SPOCK1: variants seen among roughly 807,000 people sequenced by gnomAD.
The protein encoded by SPOCK1 is SPARC (osteonectin), cwcv and kazal like domains proteoglycan 1.
Under a neutral mutation model 55.3 loss-of-function variants are expected in SPOCK1, and 23 were observed. The ratio of observed to expected loss-of-function variants is 0.42; its 90% CI spans 0.30 to 0.59. The LOEUF is 0.59. SPOCK1 is among the 20% of genes least tolerant of loss of function. The pLI is 0.22. For missense variants in SPOCK1, 499 were observed against 552.5 expected (o/e 0.90, Z 0.97); for synonymous variants, 226 against 221.0 (o/e 1.02, Z -0.20).
chr5:137,215,490 G>A (rs565911946), intron 3 of SPOCK1, among the ~76,000 whole-genome samples: 1 of 152,270 alleles, frequency 6.6e-6, no homozygotes, highest in South Asian at 2.1e-4. Flanking sequence ...TAGAACAGTT[G>A]TGATGACAGT....
At chr5:137,275,411 G>T (rs1219032709) in intron 2 of SPOCK1, among the ~76,000 whole-genome samples, 1 of 152,208 alleles carries the variant, frequency 6.6e-6, no homozygotes, top group African/African-American at 2.4e-5. Flanking sequence ...CAAACACAGG[G>T]ATTGGCAGAA....
At chr5:137,320,145 G>A (rs907311971) in intron 2 of SPOCK1, among the ~76,000 whole-genome samples, 5 of 152,188 alleles carry the variant, frequency 3.3e-5, no homozygotes, top group African/African-American at 9.7e-5. Flanking sequence ...TGATCAAAAA[G>A]AAGAGTCCAA....
chr5:137,130,251 T>C (rs1753848918), intron 4 of SPOCK1, among the ~76,000 whole-genome samples: 1 of 152,236 alleles, frequency 6.6e-6, no homozygotes, highest in South Asian at 2.1e-4. Context: ...TACCACAGTT[T>C]ATTAGATACT....
intron 3 of SPOCK1, among the ~76,000 whole-genome samples, chr5:137,252,451 T>C (rs1756552615): frequency 6.6e-6 from 1 of 152,150 alleles, no homozygotes; most frequent in African/African-American, 2.4e-5. Context: ...TATGCAAAAG[T>C]TCCTAGAATA....
chr5:137,203,784 A>G (rs749878366), intron 3 of SPOCK1, among the ~76,000 whole-genome samples: 12 of 152,210 alleles, frequency 7.9e-5, no homozygotes, highest in Non-Finnish European at 1.6e-4. Flanking sequence ...CTAACGTTGC[A>G]CATGTAAACA....
chr5:137,070,562 G>A (rs1329123896), intron 5 of SPOCK1, among the ~76,000 whole-genome samples: 4 of 152,114 alleles, frequency 2.6e-5, no homozygotes, highest in African/African-American at 9.7e-5. Flanking sequence ...CCAGTCCCTG[G>A]GTGCTTACCA....
chr5:137,284,535 G>A (rs2905560), intron 2 of SPOCK1, among the ~76,000 whole-genome samples: 72,135 of 152,066 alleles, frequency 0.47, 17,328 homozygotes, highest in Admixed American at 0.49. Context: ...GGAAGGAAGC[G>A]GACGGAAGGA....
chr5:137,262,912 T>C (rs1364549361), intron 3 of SPOCK1, among the ~76,000 whole-genome samples: 2 of 152,256 alleles, frequency 1.3e-5, no homozygotes, highest in South Asian at 2.1e-4. Flanking sequence ...AAGCACTTCC[T>C]ATATGCCAGG....
chr5:137,387,763 G>C (rs1189197689), intron 2 of SPOCK1, among the ~76,000 whole-genome samples: 3 of 152,194 alleles, frequency 2.0e-5, no homozygotes, highest in African/African-American at 7.2e-5. Flanking sequence ...GACTTGCAGG[G>C]ATGTTGATAA....
intron 2 of SPOCK1, among the ~76,000 whole-genome samples, chr5:137,333,033 A>C (rs745363521): frequency 6.6e-6 from 1 of 152,232 alleles, no homozygotes; most frequent in Non-Finnish European, 1.5e-5. Flanking sequence ...CACTTCCATC[A>C]GTATCACCTG....
intron 2 of SPOCK1, among the ~76,000 whole-genome samples, chr5:137,386,016 A>T (rs1751593206): frequency 6.6e-6 from 1 of 152,228 alleles, no homozygotes; most frequent in South Asian, 2.1e-4. Context: ...GGTGGCTAAT[A>T]AGCAATTACA....
At chr5:137,334,765 C>T (rs1008594052) in intron 2 of SPOCK1, among the ~76,000 whole-genome samples, 3 of 152,120 alleles carry the variant, frequency 2.0e-5, no homozygotes, top group African/African-American at 4.8e-5. Flanking sequence ...CCCTCTTGCC[C>T]GAGGAGAAAC....
chr5:137,192,259 A>G (rs1444978420), intron 3 of SPOCK1, among the ~76,000 whole-genome samples: 5 of 151,164 alleles, frequency 3.3e-5, no homozygotes, highest in African/African-American at 9.7e-5. Context: ...AAAAAAAGAA[A>G]AGGAAAACAA....
At chr5:137,088,601 T>C (rs1395659415) in intron 5 of SPOCK1, among the ~76,000 whole-genome samples, 4 of 152,184 alleles carry the variant, frequency 2.6e-5, no homozygotes, top group Admixed American at 1.3e-4. Context: ...CCAGATATCA[T>C]TAGCTTTTCA....
intron 5 of SPOCK1, among the ~76,000 whole-genome samples, chr5:137,077,067 G>C (rs571089232): frequency 6.6e-6 from 1 of 152,236 alleles, no homozygotes; most frequent in South Asian, 2.1e-4. Context: ...GGGACTACAG[G>C]CGCCCACCAC....
chr5:137,261,730 T>C (rs748590027), intron 3 of SPOCK1, among the ~76,000 whole-genome samples: 31 of 152,242 alleles, frequency 2.0e-4, no homozygotes, highest in Admixed American at 4.6e-4. Flanking sequence ...CCAATGTCTA[T>C]ACACTTTATC....
At chr5:137,188,757 T>C (rs1755120603) in intron 3 of SPOCK1, among the ~76,000 whole-genome samples, 1 of 152,246 alleles carries the variant, frequency 6.6e-6, no homozygotes, top group Non-Finnish European at 1.5e-5. Context: ...ATGATTAAAC[T>C]TGGTGAAGAA....
At chr5:137,437,737 G>A (rs566474831) in intron 2 of SPOCK1, among the ~76,000 whole-genome samples, 1 of 152,294 alleles carries the variant, frequency 6.6e-6, no homozygotes, top group East Asian at 1.9e-4. Context: ...ACATATGCTA[G>A]AAACATTCAA....
At chr5:137,087,399 G>A (rs150337231) in intron 5 of SPOCK1, among the ~76,000 whole-genome samples, 3 of 152,348 alleles carry the variant, frequency 2.0e-5, no homozygotes, top group Admixed American at 2.0e-4. Context: ...CATCTTTGGG[G>A]TTGTACTAAG....
Sources: allele counts gnomAD v4.1 joint callset (sites outside exome capture counted in the v4.1 genomes callset), GRCh38; gene constraint gnomAD v4.1.1; transcripts MANE v1.5; gene names NCBI Gene and HGNC (gene_info 2026-07-23, HGNC 2026-07-21).